The following NAXD variants were observed in gnomAD, a reference collection of about 807,000 sequenced individuals.
NAXD encodes the protein ATP-dependent (S)-NAD(P)H-hydrate dehydratase.
NAXD carries 22 observed loss-of-function variants against 35.8 expected under a neutral mutation model. The ratio of observed to expected loss-of-function variants is 0.62; its 90% CI spans 0.44 to 0.88. The LOEUF is 0.88. NAXD is among the 40% of genes least tolerant of loss of function. NAXD has a pLI of 0.00. For missense variants in NAXD, 428 were observed against 437.7 expected (o/e 0.98, Z 0.20); for synonymous variants, 189 against 177.6 (o/e 1.06, Z -0.51).
chr13:110,619,691 T>G (rs2139627881), intron 1 of NAXD, among the ~76,000 whole-genome samples: 1 of 152,274 alleles, frequency 6.6e-6, no homozygotes, highest in East Asian at 1.9e-4. Flanking sequence ...CACCACTGGG[T>G]GCGTGTACAT....
In NAXD at chr13:110,638,734, C is replaced by T. The variant is rs1887044777; in HGVS notation, c.*206C>T. The T allele has an allele frequency of 7.0e-6, 5 of 709,540 alleles. No individual in the cohort carries two copies. Among genetic ancestry groups the T allele is most frequent in the East Asian group, 2.7e-5 (1 of 37,116 alleles). The allele number at this position is 709,540 out of a possible 1,614,324, so 44.0% of individuals were successfully genotyped here. On this transcript the variant is annotated 3_prime_UTR_variant, in exon 10 of 10. Coordinates refer to ENST00000680254, the MANE Select transcript of NAXD (RefSeq NM_001242882.2). This position sits in a 1 kb window ranked among gnomAD's most constrained non-coding sequence, Gnocchi z 5.4. The stretch of plus-strand genomic sequence containing the variant: ...TAATGCATGGTTGGAGATGTTATGG[C>T]GACACTAAACAAAGTATTCCTGAAC...
rs1365570709 is a variant in NAXD at position 110,639,349 on chromosome 13, G to C, written c.*821G>C. The C allele has an allele frequency of 6.5e-6, 1 of 153,720 alleles. No homozygotes were observed. Among genetic ancestry groups the C allele is most frequent in the Admixed American group, 6.5e-5 (1 of 15,482 alleles). The allele number at this position is 153,720 out of a possible 1,614,324, so 9.5% of individuals were successfully genotyped here. A position where few individuals can be genotyped will look rare whatever the true frequency, so the allele number is the denominator to read the frequency against. On this transcript the variant is annotated 3_prime_UTR_variant, in exon 10 of 10. Transcript: ENST00000680254. ...AGCCTGGGGTCTGACGTGGCCCCTA[G>C]TGCTGTCTCAGGAGAAGGCTCTGGA... is the stretch of plus-strand genomic sequence containing the variant.
chr13:110,635,524 A>C lies in NAXD; in HGVS notation c.654A>C (p.Gln218His), dbSNP rs551649299. ...DSHGSVLRLS[Q>H]ALGNVTVVQK... is the part of the protein sequence containing the mutation. ...ATGGATCTGTGCTAAGACTCAGCCA[A>C]GCCCTGGGCAACGTGACGGTGGTCC... The change falls in exon 8 of 10, where the codon CAA becomes CAC. Residue 218 changes from glutamine (Q) to histidine (H), a missense_variant. By Grantham distance (24) the Gln-to-His change is conservative (BLOSUM62 0). Coordinates refer to ENST00000680254, the MANE Select transcript of NAXD (RefSeq NM_001242882.2). The C allele has an allele frequency of 2.1e-4, 345 of 1,614,190 alleles. 2 individuals carry two copies. The South Asian group carries it at 3.6e-3, about 17-fold the overall frequency.
At chr13:110,634,316 C>A (rs1170212363) in intron 5 of NAXD, among the ~76,000 whole-genome samples, 1 of 152,168 alleles carries the variant, frequency 6.6e-6, no homozygotes. Context: ...GGATGTCCAA[C>A]ATCAAGGTGC....
rs78149622 is a variant in NAXD, at chr13:110,623,545, C to G, written c.198-689C>G. On this transcript the variant is annotated intron_variant, in intron 2 of 9. Coordinates refer to ENST00000680254, the MANE Select transcript of NAXD (RefSeq NM_001242882.2). The stretch of plus-strand genomic sequence containing the variant: ...GGACGGGGTCTGCCCACTCTGGGAC[C>G]CTGTCCATGCCCGACTGCTCCGAAC... 3.9e-5 allele frequency among the ~76,000 whole-genome samples: 6 copies of G among 152,306 alleles called. No homozygotes were observed. In the East Asian group the frequency reaches 1.2e-3, roughly 29 times the overall value.
chr13:110,627,321 AT>A, intron 4 of NAXD, 117 bp from the exon 5 acceptor site: 1 of 685,796 alleles, frequency 1.5e-6, no homozygotes, highest in Non-Finnish European at 2.5e-6. Flanking sequence ...TACAGAAATT[AT>A]TTAAAAGTCA....
chr13:110,637,285 C>T (rs758770785), intron 9 of NAXD, 36 bp downstream of exon 9: 26 of 1,612,290 alleles, frequency 1.6e-5, no homozygotes, highest in East Asian at 8.9e-5. Flanking sequence ...ACTTTGAAAC[C>T]GTCTGATTTT....
rs939969776 is a variant in NAXD at position 110,625,274 on chromosome 13, G to T, written c.328G>T (p.Val110Phe). Residue 110 changes from valine to phenylalanine, a missense_variant, in exon 4 of 10, where the codon GTT becomes TTT. By Grantham distance (50) the Val-to-Phe change is conservative. Around this residue, in one of 3 missense-constraint regions of NAXD, gnomAD observed 208 missense variants for 193.0 expected, o/e 1.08. Coordinates refer to ENST00000680254, the MANE Select transcript of NAXD (RefSeq NM_001242882.2). ...AYSPELIVHP[V>F]LDSPNAVHEV... ...CAGCCCGGAGCTGATCGTCCACCCA[G>T]TTCTGTGAGTCGCTCTGCGCCGGCT... 2.5e-6 allele frequency: 4 copies of T among 1,610,054 alleles called. No individual in the cohort carries two copies. In the African/African-American group the frequency reaches 5.3e-5, roughly 22 times the overall value.
chr13:110,635,687 TGTTCACACAC>T (rs1313371058), intron 8 of NAXD, 99 bp downstream of exon 8: 15 of 1,356,378 alleles, frequency 1.1e-5, no homozygotes, highest in Non-Finnish European at 1.0e-6. Flanking sequence ...TGCACACCCG[TGTTCACACAC>T]ATTCACACAG....
chr13:110,615,729 T>C (rs1337939351), intron 1 of NAXD, 82 bp downstream of exon 1: 2 of 1,508,518 alleles, frequency 1.3e-6, no homozygotes, highest in Non-Finnish European at 1.8e-6. Context: ...CGTTGTCGCA[T>C]TGCTCTCGGC....
At chr13:110,630,632 G>A (rs1886664907) in intron 5 of NAXD, among the ~76,000 whole-genome samples, 1 of 152,148 alleles carries the variant, frequency 6.6e-6, no homozygotes. Flanking sequence ...ACTCCTACAT[G>A]TTAAGAGCCT....
chr13:110,634,445 C>G, intron 5 of NAXD, 100 bp from the exon 6 acceptor site: 1 of 1,260,456 alleles, frequency 7.9e-7, no homozygotes, highest in Non-Finnish European at 1.2e-6. Context: ...CTCCCAGGAC[C>G]CTTCCCTTGG....
chr13:110,625,110 A>T, intron 3 of NAXD, 80 bp from the exon 4 acceptor site: 2 of 1,007,314 alleles, frequency 2.0e-6, no homozygotes, highest in Non-Finnish European at 3.1e-6. Context: ...CTGAGTAATG[A>T]GCGCTGGACG....
intron 1 of NAXD, among the ~76,000 whole-genome samples, chr13:110,621,856 C>G (rs1269487360): frequency 6.6e-6 from 1 of 151,952 alleles, no homozygotes; most frequent in Non-Finnish European, 1.5e-5. Flanking sequence ...ATGATGAAAC[C>G]CTATCTCTAC....
Position 110,621,911 on chromosome 13 carries a change from T to G in NAXD, c.47-305T>G, listed in dbSNP as rs563674007. ...CAGGTGTGGTAGTAGACACCTATAA[T>G]CCCAGCTGCTCAGGAGGCTGAGGCA... On this transcript the variant is annotated intron_variant, in intron 1 of 9. Coordinates refer to ENST00000680254, the MANE Select transcript of NAXD (RefSeq NM_001242882.2). Among the ~76,000 whole-genome samples the G allele has an allele frequency of 1.7e-4, 26 of 151,416 alleles. No homozygotes were observed. In the South Asian group the frequency reaches 5.4e-3, roughly 32 times the overall value.
In NAXD at chr13:110,638,179, C is replaced by G; in HGVS notation, c.840-199C>G. The G allele has an allele frequency of 6.8e-7, 1 of 1,472,346 alleles. No homozygotes were observed. Among genetic ancestry groups the G allele is most frequent in the Non-Finnish European group, 9.2e-7 (1 of 1,091,928 alleles). 91.2% of individuals were successfully genotyped at this position (1,472,346 alleles called of 1,614,324 possible). A position where few individuals can be genotyped will look rare whatever the true frequency, so the allele number is the denominator to read the frequency against. ...TACATAGACGTTTCCTGTGTGCCTCCTGCCAGGGAGTAGTGGAGGGTTAAT... is the reference window on the plus strand; with the variant it reads ...TACATAGACGTTTCCTGTGTGCCTCGTGCCAGGGAGTAGTGGAGGGTTAAT... On this transcript the variant is annotated intron_variant, in intron 9 of 9. Transcript: ENST00000680254. The surrounding 1 kb of genome is among the most constrained non-coding windows in gnomAD (Gnocchi z 5.4).
chr13:110,624,239 C>A lies in NAXD; in HGVS notation c.203C>A (p.Thr68Asn), dbSNP rs1445771391. The A allele has an allele frequency of 1.9e-6, 3 of 1,606,676 alleles. No individual in the cohort carries two copies. The highest frequency in any genetic ancestry group is 1.1e-5 in the South Asian group (1 of 90,602). Residue 68 changes from threonine (T) to asparagine (N), a missense_variant, in exon 3 of 10, where the codon ACT becomes AAT. Physicochemically the swap from Thr to Asn is moderately conservative, Grantham distance 65. Around this residue, in one of 3 missense-constraint regions of NAXD, gnomAD observed 208 missense variants for 193.0 expected, o/e 1.08. Transcript: ENST00000680254. Reference sequence around the variant, plus strand: ...TCTAAATACCTTCTTTTTAGGTACACTGGAGCCCCATATTTTGCAGCAATC... The same window carrying A: ...TCTAAATACCTTCTTTTTAGGTACAATGGAGCCCCATATTTTGCAGCAATC... ...IGVVGGCQEY[T>N]GAPYFAAISA...
chr13:110,624,176 A>T, intron 2 of NAXD, 58 bp from the exon 3 acceptor site: 1 of 949,064 alleles, frequency 1.1e-6, no homozygotes, highest in Non-Finnish European at 1.7e-6. Context: ...CTATTTATTG[A>T]TCAAGGTATG....
At chr13:110,615,930 T>G (rs1352099581) in intron 1 of NAXD, 2 of 534,548 alleles carry the variant, frequency 3.7e-6, no homozygotes, top group Non-Finnish European at 2.9e-6. Context: ...GGGCGCGGCT[T>G]GGGTGATGGG....
Sources: allele counts gnomAD v4.1 joint callset (sites outside exome capture counted in the v4.1 genomes callset), GRCh38; gene constraint gnomAD v4.1.1; regional missense constraint gnomAD v4.1.1; non-coding constraint Gnocchi (gnomAD v3.1); transcripts MANE v1.5; gene names NCBI Gene and HGNC (gene_info 2026-07-23, HGNC 2026-07-21).